Variants in ELOA observed in about 807,000 individuals in gnomAD.
ELOA encodes the protein elongin-A.
ELOA carries 15 observed loss-of-function variants against 85.2 expected under a neutral mutation model. The observed-to-expected ratio is 0.18, with a 90% CI of 0.12 to 0.27. The LOEUF is 0.27. Ranked by LOEUF, ELOA falls within the 10% of genes least tolerant of loss-of-function variation. The pLI is 1.00. For missense variants in ELOA, 769 were observed against 952.7 expected (o/e 0.81, Z 2.54); for synonymous variants, 348 against 357.2 (o/e 0.97, Z 0.29).
chr1:23,757,215 C>A, intron 10 of ELOA, 90 bp downstream of exon 10: 1 of 1,382,734 alleles, frequency 7.2e-7, no homozygotes, highest in Non-Finnish European at 9.7e-7. Flanking sequence ...ATTTTGTGGA[C>A]TGCATGTTGC....
At chr1:23,757,438 C>T (rs1644799894) in intron 10 of ELOA, among the ~76,000 whole-genome samples, 2 of 152,058 alleles carry the variant, frequency 1.3e-5, no homozygotes, top group South Asian at 4.1e-4. Flanking sequence ...AGACCCTCTA[C>T]AAAAAATTAA....
In ELOA at chr1:23,751,947, T is replaced by G. The variant is rs374542397; in HGVS notation, c.1342T>G (p.Leu448Val). 3.1e-6 allele frequency: 5 copies of G among 1,613,268 alleles called. No homozygotes were observed. In the East Asian group the frequency reaches 6.7e-5, roughly 22 times the overall value. The change falls in exon 4 of 11, where the codon TTG becomes GTG. Residue 448 changes from leucine (L) to valine (V), a missense_variant. Around this residue, in one of 4 missense-constraint regions of ELOA, gnomAD observed 193 missense variants for 278.9 expected, o/e 0.69. Coordinates refer to ENST00000613537, the MANE Select transcript of ELOA (RefSeq NM_003198.3). The part of the protein sequence containing the change: ...KNDSKSTGKN[L>V]DSVQKLPKVN... ...TGACTCTAAAAGCACTGGTAAAAACTTGGACTCAGTTCAGAAATTACCCAA... is the reference window on the plus strand; with the variant it reads ...TGACTCTAAAAGCACTGGTAAAAACGTGGACTCAGTTCAGAAATTACCCAA...
intron 2 of ELOA, 49 bp downstream of exon 2, chr1:23,749,126 T>C (rs749501446): frequency 6.7e-7 from 1 of 1,484,608 alleles, no homozygotes; most frequent in Non-Finnish European, 9.4e-7. Flanking sequence ...CCCATTCCCT[T>C]CTCACTGGAG....
Position 23,754,085 on chromosome 1 carries a change from T to A in ELOA, c.1538-15T>A. 1 of 1,612,964 alleles carries A rather than the reference T, an allele frequency of 6.2e-7. No individual in the cohort carries two copies. The highest frequency in any genetic ancestry group is 8.5e-7 in the Non-Finnish European group (1 of 1,179,546). ...TGGATCACTTAGGGCCTTTTGTGTT[T>A]TTCTTGCCCTATAGCGTTCTCTTCA... On this transcript the variant is annotated splice_polypyrimidine_tract_variant and intron_variant, in intron 5 of 10. Transcript: ENST00000613537.
Position 23,755,838 on chromosome 1 carries a change from T to C in ELOA, c.1792-5T>C. 2.5e-6 allele frequency: 4 copies of C among 1,591,556 alleles called. No homozygotes were observed. In the East Asian group the frequency reaches 9.0e-5, roughly 36 times the overall value. Reference sequence around the variant, plus strand: ...ACACAAATGATGTCCTGGTTCTGGTTTCAGGTATTAATTGAAGAAACAGAT... The same window carrying C: ...ACACAAATGATGTCCTGGTTCTGGTCTCAGGTATTAATTGAAGAAACAGAT... On this transcript the variant is annotated splice_polypyrimidine_tract_variant and splice_region_variant and intron_variant, in intron 7 of 10. Coordinates refer to ENST00000613537, the MANE Select transcript of ELOA (RefSeq NM_003198.3).
rs55966133 is a variant in ELOA, at chr1:23,757,934, G to A, written c.2257+809G>A. Among the ~76,000 whole-genome samples the A allele has an allele frequency of 6.5e-3, 995 of 152,000 alleles. 14 individuals are homozygous for A. Among genetic ancestry groups the A allele is most frequent in the African/African-American group, 0.023 (944 of 41,462 alleles). On this transcript the variant is annotated intron_variant, in intron 10 of 10. Transcript: ENST00000613537. ...CATGTGCCTATAATCTCAGGTACTC[G>A]GGTGGCTGAGACAGGAGAATTGCTT...
chr1:23,748,290 T>C (rs901164535), intron 1 of ELOA, among the ~76,000 whole-genome samples: 5 of 151,528 alleles, frequency 3.3e-5, no homozygotes, highest in Admixed American at 3.3e-4. Flanking sequence ...GGGGAGGTTT[T>C]TGACTTATTC....
At chr1:23,757,176 A>G in intron 10 of ELOA, 51 bp downstream of exon 10, 1 of 1,481,468 alleles carries the variant, frequency 6.8e-7, no homozygotes, top group Non-Finnish European at 9.0e-7. Flanking sequence ...CTAGTTTTTA[A>G]CTCTCAATGT....
rs147022787 is a variant in ELOA at position 23,756,679 on chromosome 1, C to T, written c.2085-274C>T. 2.0e-4 allele frequency among the ~76,000 whole-genome samples: 31 copies of T among 152,336 alleles called. No individual in the cohort carries two copies. The East Asian group carries it at 5.8e-3, about 28-fold the overall frequency. On this transcript the variant is annotated intron_variant, in intron 9 of 10. Transcript: ENST00000613537. ...CCTTTTCCCATCTAAACAAAAAACA[C>T]ATTTCTGCAATGATTGTTATTTTGT...
At chr1:23,756,234 C>T in intron 8 of ELOA, 40 bp from the exon 9 acceptor site, 1 of 1,522,344 alleles carries the variant, frequency 6.6e-7, no homozygotes, top group Non-Finnish European at 8.8e-7. Context: ...AGTAGCATCT[C>T]TGCTCAAGAA....
intron 2 of ELOA, 29 bp from the exon 3 acceptor site, chr1:23,749,813 C>T: frequency 6.3e-7 from 1 of 1,599,434 alleles, no homozygotes; most frequent in Non-Finnish European, 8.6e-7. Flanking sequence ...GTTCCAGACC[C>T]CTCTAACAAT....
chr1:23,750,071 C>T (rs1644762188), intron 3 of ELOA, 123 bp downstream of exon 3: 1 of 706,808 alleles, frequency 1.4e-6, no homozygotes. Flanking sequence ...AAAAATAATC[C>T]ATGATCATTG....
intron 1 of ELOA, among the ~76,000 whole-genome samples, chr1:23,744,667 G>C (rs1644738873): frequency 6.6e-6 from 1 of 152,104 alleles, no homozygotes; most frequent in Non-Finnish European, 1.5e-5. Context: ...TGGCCAGGCT[G>C]GTCTTGAACT....
rs1459493043 is a variant in ELOA at position 23,746,276 on chromosome 1, G to C, written c.75+2698G>C. ...GCACTCCAGCCTGGGCAACAAGAGC[G>C]AAACTCCGTCTCAAAAAAAAAAAAA... On this transcript the variant is annotated intron_variant, in intron 1 of 10. Coordinates refer to ENST00000613537, the MANE Select transcript of ELOA (RefSeq NM_003198.3). Among the ~76,000 whole-genome samples, 4 of 126,166 alleles carry C rather than the reference G, an allele frequency of 3.2e-5. No individual in the cohort carries two copies. In the Admixed American group the frequency reaches 3.4e-4, roughly 11 times the overall value. 82.8% of individuals were successfully genotyped at this position (126,166 alleles called of 152,430 possible).
chr1:23,746,433 C>G (rs957521616), intron 1 of ELOA, among the ~76,000 whole-genome samples: 1 of 151,520 alleles, frequency 6.6e-6, no homozygotes, highest in African/African-American at 2.4e-5. Context: ...CATGATGAAA[C>G]CCCATCTCTA....
intron 7 of ELOA, 140 bp from the exon 8 acceptor site, chr1:23,755,703 C>T: frequency 3.0e-6 from 2 of 673,862 alleles, no homozygotes; most frequent in South Asian, 4.6e-5. Context: ...TCGCTTGAAC[C>T]CAGGAGGCAA....
At chr1:23,758,194 C>CT (rs1638233189) in intron 10 of ELOA, among the ~76,000 whole-genome samples, 1 of 136,694 alleles carries the variant, frequency 7.3e-6, no homozygotes, top group African/African-American at 2.7e-5. Context: ...TTTTTATAGT[C>CT]TTATAACTCT....
rs1172550110 is a variant in ELOA, at chr1:23,760,271, T to C, written c.*698T>C. On this transcript the variant is annotated 3_prime_UTR_variant, in exon 11 of 11. Coordinates refer to ENST00000613537, the MANE Select transcript of ELOA (RefSeq NM_003198.3). The stretch of plus-strand genomic sequence containing the variant: ...AGGTGCTCTGTAGGTCTGGAGCCTT[T>C]CCCTCATCCTTTTTGCGAGTCCCCA... 1 of 151,784 alleles carries C rather than the reference T, an allele frequency of 6.6e-6. No homozygotes were observed. The highest frequency in any genetic ancestry group is 6.6e-5 in the Admixed American group (1 of 15,246). The allele number at this position is 151,784 out of a possible 1,614,324, so 9.4% of individuals were successfully genotyped here. A position where few individuals can be genotyped will look rare whatever the true frequency, so the allele number is the denominator to read the frequency against.
intron 10 of ELOA, among the ~76,000 whole-genome samples, chr1:23,758,475 A>C (rs1375854444): frequency 1.3e-5 from 2 of 149,268 alleles, no homozygotes; most frequent in African/African-American, 4.9e-5. Flanking sequence ...GGGTTTCACC[A>C]TGTTGGCCAG....
Sources: allele counts gnomAD v4.1 joint callset (sites outside exome capture counted in the v4.1 genomes callset), GRCh38; gene constraint gnomAD v4.1.1; regional missense constraint gnomAD v4.1.1; transcripts MANE v1.5; gene names NCBI Gene and HGNC (gene_info 2026-07-23, HGNC 2026-07-21).